MYO9A: variants seen among roughly 807,000 people sequenced by gnomAD.
MYO9A encodes the protein myosin IXA, also known as unconventional myosin-IXa.
Under a neutral mutation model 293.3 loss-of-function variants are expected in MYO9A, and 103 were observed. That is an observed-to-expected ratio of 0.35 (90% confidence interval 0.30 to 0.41). The LOEUF (loss-of-function observed/expected upper bound fraction) is 0.41, where lower values mean the gene tolerates loss of function less well. Ranked by LOEUF, MYO9A falls within the 10% of genes least tolerant of loss-of-function variation. MYO9A has a pLI of 1.00. For synonymous variants in MYO9A, 1,001 were observed against 1,035.7 expected (o/e 0.97, Z 0.64); for missense variants, 2,685 against 3,033.0 (o/e 0.89, Z 2.69).
At position 72,078,284 on chromosome 15, in the gene MYO9A, A is replaced by C. The variant is rs890890622; in HGVS notation, c.-71-31650T>G. ...TGAGGTGGGAGGAACGCTTGAGCCTAGGAGTTCAAGACCAGCCTGGGCAAT... is the reference window on the plus strand; with the variant it reads ...TGAGGTGGGAGGAACGCTTGAGCCTCGGAGTTCAAGACCAGCCTGGGCAAT... On this transcript the variant is annotated intron_variant, in intron 1 of 41. Transcript: ENST00000356056. Among the ~76,000 whole-genome samples the C allele has an allele frequency of 2.8e-4, 43 of 152,108 alleles. 1 individual carries two copies. Among genetic ancestry groups the C allele is most frequent in the Non-Finnish European group, 6.2e-4 (42 of 67,996 alleles).
At chr15:72,005,281 A>G (rs922381733) in intron 8 of MYO9A, among the ~76,000 whole-genome samples, 1 of 152,204 alleles carries the variant, frequency 6.6e-6, no homozygotes, top group East Asian at 1.9e-4. Context: ...TGGTTTGCCC[A>G]ATTCTCAGAA....
intron 19 of MYO9A, among the ~76,000 whole-genome samples, chr15:71,915,930 GA>G (rs2057997886): frequency 6.6e-6 from 1 of 151,836 alleles, no homozygotes; most frequent in South Asian, 2.1e-4. Context: ...CCCCAAAAAA[GA>G]ACTGGATTTC....
intron 6 of MYO9A, among the ~76,000 whole-genome samples, chr15:72,017,010 CTTTTTTTTTT>C (rs61153023): frequency 2.6e-4 from 15 of 58,278 alleles, no homozygotes; most frequent in South Asian, 2.5e-3. Context: ...GAGCCCAAAT[CTTTTTTTTTT>C]TTTTTTTTTT....
chr15:72,045,581 G>A, intron 2 of MYO9A, 143 bp downstream of exon 2: 1 of 999,876 alleles, frequency 1.0e-6, no homozygotes, highest in Non-Finnish European at 1.4e-6. Context: ...TGAGTTTTTG[G>A]AGCTGGGAGA....
At chr15:72,054,473 C>A (rs1226222720) in intron 1 of MYO9A, among the ~76,000 whole-genome samples, 2 of 151,958 alleles carry the variant, frequency 1.3e-5, no homozygotes, top group Admixed American at 1.3e-4. Context: ...GAGTTCGAGG[C>A]CAGCCTGGCC....
chr15:71,899,140 T>G (rs1033292080), intron 24 of MYO9A, 108 bp from the exon 25 acceptor site: 1 of 1,029,948 alleles, frequency 9.7e-7, no homozygotes, highest in African/African-American at 1.6e-5. Context: ...AATCTTTTTA[T>G]AATACCTAAG....
chr15:71,899,756 C>T lies in MYO9A; in HGVS notation c.3401G>A (p.Arg1134Lys). The part of the protein sequence containing the change: ...ARWKAYRESK[R>K]YQEQRKKIIL... ...AATTTTTTTCCTTTGTTCTTGGTAC[C>T]TTTTACTTTCCCTGTAGGCTTTCCA... is the stretch of plus-strand genomic sequence containing the variant. The change falls in exon 24 of 42, where the codon AGG (arginine) becomes AAG (lysine). Residue 1134 changes from arginine (R) to lysine (K), a missense_variant. Physicochemically the swap from Arg to Lys is conservative, Grantham distance 26. Around this residue, in one of 10 missense-constraint regions of MYO9A, gnomAD observed 1,434 missense variants for 1,497.7 expected, o/e 0.96. Transcript: ENST00000356056. The T allele has an allele frequency of 6.2e-7, 1 of 1,614,054 alleles. No homozygotes were observed. Among genetic ancestry groups the T allele is most frequent in the Non-Finnish European group, 8.5e-7 (1 of 1,180,012 alleles).
rs139020894 is a variant in MYO9A at position 71,859,072 on chromosome 15, T to G, written c.6153+663A>C. Among the ~76,000 whole-genome samples, 215 of 152,374 alleles carry G rather than the reference T, an allele frequency of 1.4e-3. 1 individual carries two copies. Among genetic ancestry groups the G allele is most frequent in the African/African-American group, 4.9e-3 (202 of 41,586 alleles). On this transcript the variant is annotated intron_variant, in intron 34 of 41. Transcript: ENST00000356056. The stretch of plus-strand genomic sequence containing the variant: ...TGTCTCACTCATATTCTTTGCATTT[T>G]AATTCCTGAATCAAATTTCTCTCTG...
At chr15:72,014,230 T>C (rs987412153) in intron 6 of MYO9A, among the ~76,000 whole-genome samples, 1 of 152,244 alleles carries the variant, frequency 6.6e-6, no homozygotes, top group African/African-American at 2.4e-5. Context: ...TTGTTAATAG[T>C]GTAGCTGGGA....
At chr15:71,862,283 G>A (rs1453472065) in intron 33 of MYO9A, among the ~76,000 whole-genome samples, 1 of 152,162 alleles carries the variant, frequency 6.6e-6, no homozygotes, top group African/African-American at 2.4e-5. Flanking sequence ...GACCATTTTA[G>A]ACAGAGTGAA....
rs765100869 is a variant in MYO9A, at chr15:71,848,862, G to T, written c.6820C>A (p.Leu2274Met). ...CATCTTACCATTGATCTACGAATCA[G>T]TGACAACCTGGTCTTTGCCTTATTC... ...AENKAKTRLS[L>M]IRRSMGKGRI... Residue 2274 changes from leucine (L) to methionine (M), a missense_variant, in exon 39 of 42, where the codon CTG (leucine) becomes ATG (methionine). Around this residue, in one of 10 missense-constraint regions of MYO9A, gnomAD observed 350 missense variants for 328.9 expected, o/e 1.06. Transcript: ENST00000356056. 6.2e-7 allele frequency: 1 copy of T among 1,607,572 alleles called. No individual in the cohort carries two copies. The highest frequency in any genetic ancestry group is 8.5e-7 in the Non-Finnish European group (1 of 1,178,582).
In MYO9A at chr15:71,951,784, C is replaced by G. The variant is rs147776325; in HGVS notation, c.2295G>C (p.Glu765Asp). The G allele has an allele frequency of 2.9e-5, 46 of 1,613,772 alleles. No homozygotes were observed. The African/African-American group carries it at 5.7e-4, about 20-fold the overall frequency. The change falls in exon 15 of 42, where the codon GAG becomes GAC. Residue 765 changes from glutamate to aspartate, a missense_variant. Around this residue, in one of 10 missense-constraint regions of MYO9A, gnomAD observed 1,434 missense variants for 1,497.7 expected, o/e 0.96. Coordinates refer to ENST00000356056, the MANE Select transcript of MYO9A (RefSeq NM_006901.4). ...CAGGATTTGTAGCCTTACTGTACTT[C>G]TCTTCCTTGCATCTCTGCAGAATCT... ...SLEILQRCKE[E>D]KYSITRKNPR...
chr15:71,829,985 C>T, intron 40 of MYO9A, 124 bp downstream of exon 40: 1 of 1,016,498 alleles, frequency 9.8e-7, no homozygotes, highest in Admixed American at 2.1e-5. Flanking sequence ...TCAACATCTC[C>T]TGTATCATCT....
intron 1 of MYO9A, among the ~76,000 whole-genome samples, chr15:72,077,645 C>CG (rs1352266551): frequency 7.2e-6 from 1 of 138,874 alleles, no homozygotes; most frequent in Non-Finnish European, 1.5e-5. Context: ...GGCAGGGTGG[C>CG]GGGGGGCGGC....
At chr15:72,024,843 C>G (rs933901348) in intron 4 of MYO9A, among the ~76,000 whole-genome samples, 1 of 151,604 alleles carries the variant, frequency 6.6e-6, no homozygotes, top group African/African-American at 2.4e-5. Context: ...AAAAGAAATG[C>G]CAATGAAATT....
At chr15:71,874,850 A>G (rs923555848) in intron 32 of MYO9A, among the ~76,000 whole-genome samples, 2 of 152,164 alleles carry the variant, frequency 1.3e-5, no homozygotes, top group African/African-American at 2.4e-5. Context: ...ATTTGTACAT[A>G]CTGTTTTTCC....
intron 17 of MYO9A, among the ~76,000 whole-genome samples, chr15:71,934,559 T>A (rs946827688): frequency 2.0e-5 from 3 of 151,816 alleles, no homozygotes; most frequent in Non-Finnish European, 4.4e-5. Context: ...GCTTGGGAAA[T>A]ATCTAAAACA....
chr15:72,070,452 CAA>C (rs75023888), intron 1 of MYO9A, among the ~76,000 whole-genome samples: 36 of 97,440 alleles, frequency 3.7e-4, no homozygotes, highest in Non-Finnish European at 2.9e-4. Context: ...GACTCTGCCT[CAA>C]AAAAAAAAAA....
intron 1 of MYO9A, among the ~76,000 whole-genome samples, chr15:72,101,085 C>A (rs1233198054): frequency 7.1e-6 from 1 of 140,720 alleles, no homozygotes; most frequent in Non-Finnish European, 1.6e-5. Flanking sequence ...CAGCCCCCCG[C>A]CAGGCCAGCC....
Sources: allele counts gnomAD v4.1 joint callset (sites outside exome capture counted in the v4.1 genomes callset), GRCh38; gene constraint gnomAD v4.1.1; regional missense constraint gnomAD v4.1.1; transcripts MANE v1.5; gene names NCBI Gene and HGNC (gene_info 2026-07-23, HGNC 2026-07-21).